The following SPEN variants were observed in gnomAD, a reference collection of about 807,000 sequenced individuals.
SPEN encodes the protein spen family transcriptional repressor.
SPEN carries 18 observed loss-of-function variants against 269.9 expected under a neutral mutation model. The observed-to-expected ratio is 0.07, with a 90% CI of 0.05 to 0.10. SPEN has a LOEUF of 0.10. SPEN is among the 10% of genes least tolerant of loss of function. The pLI, the probability that SPEN is intolerant of heterozygous loss-of-function variation, is 1.00. For synonymous variants in SPEN, 1,726 were observed against 1,765.7 expected (o/e 0.98, Z 0.56); for missense variants, 3,822 against 4,631.2 (o/e 0.83, Z 5.07).
At chr1:15,852,222 C>T (rs1335261911) in intron 1 of SPEN, among the ~76,000 whole-genome samples, 2 of 151,976 alleles carry the variant, frequency 1.3e-5, no homozygotes, top group Non-Finnish European at 2.9e-5. Flanking sequence ...ATTGTTACGT[C>T]GCTTCTTCAT....
chr1:15,852,848 A>G (rs1231681555), intron 1 of SPEN, among the ~76,000 whole-genome samples: 1 of 152,204 alleles, frequency 6.6e-6, no homozygotes, highest in African/African-American at 2.4e-5. Flanking sequence ...AGCATATCCA[A>G]TTGGAGACTA....
chr1:15,935,208 C>T lies in SPEN; in HGVS notation c.8968C>T (p.Leu2990=). 1 of 1,614,158 alleles carries T rather than the reference C, an allele frequency of 6.2e-7. No homozygotes were observed. Among genetic ancestry groups the T allele is most frequent in the Non-Finnish European group, 8.5e-7 (1 of 1,180,014 alleles). The change falls in exon 11 of 15, where the codon CTG becomes TTG. Residue 2990 remains leucine, a synonymous_variant. Transcript: ENST00000375759. This position sits in a 1 kb window ranked among gnomAD's most constrained non-coding sequence, Gnocchi z 7.7. ...GCTCACGCCCCACCACCCTCCTGCT[C>T]TGCCCAGCAAACTGCCTACAGAAGT... is the stretch of plus-strand genomic sequence containing the variant. ...STLTPHHPPA[L]PSKLPTEVNH...
intron 3 of SPEN, among the ~76,000 whole-genome samples, chr1:15,900,818 CTT>C (rs1248883554): frequency 6.6e-6 from 1 of 152,064 alleles, no homozygotes; most frequent in Non-Finnish European, 1.5e-5. Flanking sequence ...CCAGAGAACT[CTT>C]TGTTGGGACT....
At chr1:15,925,671 C>T (rs2071159952) in intron 10 of SPEN, among the ~76,000 whole-genome samples, 1 of 151,346 alleles carries the variant, frequency 6.6e-6, no homozygotes, top group African/African-American at 2.4e-5. Flanking sequence ...TCAAGCAGGC[C>T]TCCCAAAGTG....
At chr1:15,869,768 C>G (rs1017860341) in intron 1 of SPEN, among the ~76,000 whole-genome samples, 3 of 152,038 alleles carry the variant, frequency 2.0e-5, no homozygotes, top group Non-Finnish European at 4.4e-5. Context: ...TCTACTGTTA[C>G]AGGTAGCCTA....
chr1:15,914,431 C>T (rs553421871), intron 5 of SPEN, among the ~76,000 whole-genome samples: 52 of 152,132 alleles, frequency 3.4e-4, no homozygotes, highest in Admixed American at 5.9e-4. Flanking sequence ...TAATTGTTAT[C>T]AACAAAACCT....
intron 3 of SPEN, among the ~76,000 whole-genome samples, chr1:15,881,675 A>G (rs2070688631): frequency 6.6e-6 from 1 of 152,264 alleles, no homozygotes; most frequent in Non-Finnish European, 1.5e-5. Flanking sequence ...TGATTGAAGC[A>G]AGTGTACAGA....
At chr1:15,888,958 C>A (rs566841771) in intron 3 of SPEN, among the ~76,000 whole-genome samples, 4 of 151,960 alleles carry the variant, frequency 2.6e-5, no homozygotes, top group African/African-American at 9.7e-5. Context: ...TAAAACTTTA[C>A]TCATTGCAGT....
chr1:15,913,000 A>C (rs2071024872), intron 5 of SPEN, among the ~76,000 whole-genome samples: 1 of 152,206 alleles, frequency 6.6e-6, no homozygotes, highest in Non-Finnish European at 1.5e-5. Flanking sequence ...AATTTTGAGA[A>C]GTTTGGTTGG....
At chr1:15,851,697 TAAAG>T (rs146806473) in intron 1 of SPEN, among the ~76,000 whole-genome samples, 2,242 of 152,250 alleles carry the variant, frequency 0.015, 59 homozygotes, top group African/African-American at 0.052. Context: ...AAAATATTGT[TAAAG>T]AGGCTGGGTG....
At chr1:15,897,655 C>T (rs2070855889) in intron 3 of SPEN, among the ~76,000 whole-genome samples, 1 of 152,030 alleles carries the variant, frequency 6.6e-6, no homozygotes, top group African/African-American at 2.4e-5. Flanking sequence ...GGCCACCACG[C>T]CTGGCCTAAT....
chr1:15,871,375 C>T (rs886242945), intron 1 of SPEN, among the ~76,000 whole-genome samples: 1 of 152,174 alleles, frequency 6.6e-6, no homozygotes, highest in African/African-American at 2.4e-5. Flanking sequence ...GAGTCTCGCT[C>T]TGTCACCCAG....
chr1:15,847,762 T>A lies in SPEN; in HGVS notation c.-306T>A, dbSNP rs1297791141. The A allele has an allele frequency of 1.1e-5, 2 of 174,494 alleles. No homozygotes were observed. Among genetic ancestry groups the A allele is most frequent in the African/African-American group, 2.4e-5 (1 of 41,988 alleles). The allele number at this position is 174,494 out of a possible 1,614,324, so 10.8% of individuals were successfully genotyped here. On this transcript the variant is annotated 5_prime_UTR_variant, in exon 1 of 15. Transcript: ENST00000375759. ...GCTCCGTCGTAGTCGCTGCCGCCCG[T>A]GTCCCGCTCGCCCCTCCTCCCGCTC...
At position 15,935,566 on chromosome 1, in the gene SPEN, C is replaced by T; in HGVS notation, c.9326C>T (p.Thr3109Ile). Residue 3109 changes from threonine to isoleucine, a missense_variant, in exon 11 of 15, where the codon ACC (threonine) becomes ATC (isoleucine). By Grantham distance (89) the Thr-to-Ile change is moderately conservative (BLOSUM62 -1). This residue lies in a region of SPEN where 153 missense variants were observed against 228.5 expected (regional missense o/e 0.67). Transcript: ENST00000375759. The surrounding 1 kb of genome is among the most constrained non-coding windows in gnomAD (Gnocchi z 7.7). ...AACACTCCCACGCTGCCCAGTATCA[C>T]CTACAGCATCCGGCCAGAAGCGCTT... ...RMNTPTLPSITYSIRPEALHS... is the reference protein window; with the variant it reads ...RMNTPTLPSIIYSIRPEALHS... 6.2e-7 allele frequency: 1 copy of T among 1,614,106 alleles called. No homozygotes were observed. The highest frequency in any genetic ancestry group is 8.5e-7 in the Non-Finnish European group (1 of 1,180,012).
chr1:15,881,394 G>A (rs192788627), intron 3 of SPEN, among the ~76,000 whole-genome samples: 1 of 152,094 alleles, frequency 6.6e-6, no homozygotes, highest in Non-Finnish European at 1.5e-5. Flanking sequence ...TCCTACTCTT[G>A]GTACCTCAGA....
At position 15,937,919 on chromosome 1, in the gene SPEN, C is replaced by G; in HGVS notation, c.10617C>G (p.Pro3539=). The change falls in exon 13 of 15, where the codon CCC becomes CCG. Residue 3539 remains proline, a synonymous_variant. Coordinates refer to ENST00000375759, the MANE Select transcript of SPEN (RefSeq NM_015001.3). This position sits in a 1 kb window ranked among gnomAD's most constrained non-coding sequence, Gnocchi z 5.7. ...ACGTCCTGGCCCATCGGTCCCTGCCCCTTTCTGAAGGAGGGCCCCCACTAA... is the reference window on the plus strand; with the variant it reads ...ACGTCCTGGCCCATCGGTCCCTGCCGCTTTCTGAAGGAGGGCCCCCACTAA... The part of the protein sequence containing the change: ...GNNVLAHRSL[P]LSEGGPPLRI... The G allele has an allele frequency of 6.2e-7, 1 of 1,614,218 alleles. No homozygotes were observed. Among genetic ancestry groups the G allele is most frequent in the African/African-American group, 1.3e-5 (1 of 75,064 alleles).
At chr1:15,891,352 A>T (rs983200166) in intron 3 of SPEN, among the ~76,000 whole-genome samples, 3 of 138,874 alleles carry the variant, frequency 2.2e-5, no homozygotes, top group Non-Finnish European at 4.7e-5. Flanking sequence ...ACTTAGCTAA[A>T]TTTTTTTTTT....
chr1:15,857,119 G>A (rs1487469467), intron 1 of SPEN, among the ~76,000 whole-genome samples: 1 of 151,736 alleles, frequency 6.6e-6, no homozygotes, highest in Non-Finnish European at 1.5e-5. Flanking sequence ...CTGGAGTGCA[G>A]TGGTGTGATC....
intron 4 of SPEN, among the ~76,000 whole-genome samples, chr1:15,909,930 C>G (rs1483977413): frequency 1.3e-5 from 2 of 151,854 alleles, no homozygotes; most frequent in Admixed American, 6.6e-5. Flanking sequence ...TCGAGACCAT[C>G]CTGGCTAACA....
Sources: allele counts gnomAD v4.1 joint callset (sites outside exome capture counted in the v4.1 genomes callset), GRCh38; gene constraint gnomAD v4.1.1; regional missense constraint gnomAD v4.1.1; non-coding constraint Gnocchi (gnomAD v3.1); transcripts MANE v1.5; gene names NCBI Gene and HGNC (gene_info 2026-07-23, HGNC 2026-07-21).